The following DOCK10 variants were observed in gnomAD, a reference collection of about 807,000 sequenced individuals.
The protein encoded by DOCK10 is dedicator of cytokinesis protein 10.
DOCK10 carries 145 observed loss-of-function variants against 280.1 expected under a neutral mutation model. That is an observed-to-expected ratio of 0.52 (90% CI 0.45 to 0.59). The LOEUF (loss-of-function observed/expected upper bound fraction) is 0.59. Ranked by LOEUF, DOCK10 falls within the 20% of genes least tolerant of loss-of-function variation. The pLI is 0.00. For synonymous variants in DOCK10, 915 were observed against 942.2 expected (o/e 0.97, Z 0.53); for missense variants, 2,368 against 2,651.7 (o/e 0.89, Z 2.35).
At chr2:224,772,310 A>T (rs1690500580) in intron 53 of DOCK10, among the ~76,000 whole-genome samples, 1 of 152,152 alleles carries the variant, frequency 6.6e-6, no homozygotes, top group Non-Finnish European at 1.5e-5. Context: ...TTCCTTACAA[A>T]TACTTAGCAT....
chr2:224,888,428 G>GTATGTATA (rs1699445335), intron 4 of DOCK10, among the ~76,000 whole-genome samples: 1 of 151,852 alleles, frequency 6.6e-6, no homozygotes, highest in African/African-American at 2.4e-5. Flanking sequence ...ATATATGAGT[G>GTATGTATA]TATGTATATA....
intron 2 of DOCK10, among the ~76,000 whole-genome samples, chr2:224,924,143 C>T (rs377615053): frequency 2.4e-4 from 36 of 152,258 alleles, no homozygotes; most frequent in African/African-American, 8.2e-4. Flanking sequence ...CCTGTGATCA[C>T]GTGCACCACC....
chr2:225,021,233 A>C (rs141381784), intron 1 of DOCK10, among the ~76,000 whole-genome samples: 2 of 152,316 alleles, frequency 1.3e-5, no homozygotes, highest in East Asian at 1.9e-4. Context: ...CAAACAAAAA[A>C]CAAACAGAAC....
chr2:224,924,391 A>G (rs530409431), intron 2 of DOCK10, among the ~76,000 whole-genome samples: 1 of 152,024 alleles, frequency 6.6e-6, no homozygotes, highest in African/African-American at 2.4e-5. Flanking sequence ...GGCAACCACT[A>G]ATCTCCTTTC....
intron 27 of DOCK10, 27 bp from the exon 28 acceptor site, chr2:224,823,674 C>T (rs1447880649): frequency 1.3e-6 from 2 of 1,547,292 alleles, no homozygotes; most frequent in Non-Finnish European, 1.7e-6. Context: ...TTATATCTTT[C>T]TAATGTGGCA....
At position 224,888,651 on chromosome 2, in the gene DOCK10, ATATG is replaced by A. The variant is rs1426249368; in HGVS notation, c.417-2124_417-2121del. ...TATGTGTGTATATATTTATGTGAAT[ATATG>A]TGTGTGCATGTATATATGTGTGAAT... On this transcript the variant is annotated intron_variant, in intron 4 of 55. Transcript: ENST00000258390. Among the ~76,000 whole-genome samples the A allele has an allele frequency of 2.0e-5, 3 of 151,232 alleles. No individual in the cohort carries two copies. In the East Asian group the frequency reaches 5.8e-4, roughly 29 times the overall value.
At chr2:225,019,683 C>T (rs77123436) in intron 1 of DOCK10, among the ~76,000 whole-genome samples, 8,384 of 152,164 alleles carry the variant, frequency 0.055, 528 homozygotes, top group East Asian at 0.19. Context: ...GGGTTTATTC[C>T]GTCTTCACTG....
chr2:224,804,840 C>A lies in DOCK10; in HGVS notation c.4120G>T (p.Val1374Phe). Residue 1374 changes from valine (V) to phenylalanine (F), a missense_variant and splice_region_variant, in exon 38 of 56, where the codon GTT becomes TTT. Around this residue, in one of 2 missense-constraint regions of DOCK10, gnomAD observed 1,159 missense variants for 1,400.8 expected, o/e 0.83. Coordinates refer to ENST00000258390, the MANE Select transcript of DOCK10 (RefSeq NM_014689.3). Reference protein sequence around the residue: ...EVSDFFSILDVCLQNFRYLGK... With the variant: ...EVSDFFSILDFCLQNFRYLGK... ...AGGTATCTGAAATTTTGAAGACAAACGCTAGAAAGGAGAAAAAAACCACAT... is the reference window on the plus strand; with the variant it reads ...AGGTATCTGAAATTTTGAAGACAAAAGCTAGAAAGGAGAAAAAAACCACAT... 6.6e-7 allele frequency: 1 copy of A among 1,507,360 alleles called. No homozygotes were observed. Among genetic ancestry groups the A allele is most frequent in the Non-Finnish European group, 8.9e-7 (1 of 1,128,348 alleles). The allele number at this position is 1,507,360 out of a possible 1,614,324, so 93.4% of individuals were successfully genotyped here.
chr2:224,800,240 CGAT>C lies in DOCK10; in HGVS notation c.4414_4416del (p.Ile1472del), dbSNP rs1559435423. On this transcript the variant is annotated inframe_deletion, in exon 41 of 56. Transcript: ENST00000258390. ...TTGGCCTCAGTGTCTACATGATGCACGATGTCTATTTCATTGGAGTTGCCTATA... is the reference window on the plus strand; with the variant it reads ...TTGGCCTCAGTGTCTACATGATGCACGTCTATTTCATTGGAGTTGCCTATA... 6 of 1,610,186 alleles carry C rather than the reference CGAT, an allele frequency of 3.7e-6. No individual in the cohort carries two copies. The highest frequency in any genetic ancestry group is 5.1e-6 in the Non-Finnish European group (6 of 1,177,574).
rs1456415609 is a variant in DOCK10, at chr2:224,916,974, G to C, written c.244-190C>G. Among the ~76,000 whole-genome samples the C allele has an allele frequency of 3.3e-5, 5 of 152,066 alleles. No individual in the cohort carries two copies. The East Asian group carries it at 5.8e-4, about 18-fold the overall frequency. On this transcript the variant is annotated intron_variant, in intron 2 of 55. Coordinates refer to ENST00000258390, the MANE Select transcript of DOCK10 (RefSeq NM_014689.3). The stretch of plus-strand genomic sequence containing the variant: ...GATGTGGACATTTATTTGATTACCA[G>C]TACTAGTATTTTTACAACAGTTACT...
intron 1 of DOCK10, among the ~76,000 whole-genome samples, chr2:224,985,553 C>T (rs1482060083): frequency 6.7e-6 from 1 of 149,408 alleles, no homozygotes; most frequent in Admixed American, 6.7e-5. Flanking sequence ...ATGTTTTTAA[C>T]ATCTTATTGA....
At chr2:225,007,979 G>A (rs558523823) in intron 1 of DOCK10, among the ~76,000 whole-genome samples, 2 of 152,098 alleles carry the variant, frequency 1.3e-5, no homozygotes, top group South Asian at 4.1e-4. Flanking sequence ...TGGAGTGGGG[G>A]CAAATAAAAG....
intron 1 of DOCK10, among the ~76,000 whole-genome samples, chr2:224,942,120 A>C (rs542443479): frequency 4.6e-5 from 7 of 152,178 alleles, no homozygotes; most frequent in Non-Finnish European, 7.4e-5. Flanking sequence ...CTTCTGGTTT[A>C]ACTCTTCTCC....
At chr2:224,800,390 A>G in intron 40 of DOCK10, 127 bp from the exon 41 acceptor site, 1 of 552,560 alleles carries the variant, frequency 1.8e-6, no homozygotes, top group East Asian at 3.0e-5. Flanking sequence ...ATTAAATCAA[A>G]GTGTTTTTGT....
intron 4 of DOCK10, among the ~76,000 whole-genome samples, chr2:224,891,753 C>T (rs779397377): frequency 1.3e-5 from 2 of 152,196 alleles, no homozygotes; most frequent in African/African-American, 2.4e-5. Flanking sequence ...TTAATCTTCA[C>T]TTTTAAAAAT....
intron 1 of DOCK10, among the ~76,000 whole-genome samples, chr2:224,995,576 T>C (rs1193974253): frequency 1.3e-5 from 2 of 152,326 alleles, no homozygotes; most frequent in East Asian, 1.9e-4. Flanking sequence ...TTGCGTAGCA[T>C]AGGTGTCCAC....
chr2:224,815,977 G>A (rs971233225), intron 30 of DOCK10, among the ~76,000 whole-genome samples: 2 of 151,910 alleles, frequency 1.3e-5, no homozygotes, highest in African/African-American at 4.8e-5. Context: ...AGGTTGCAGC[G>A]AGCCAAGATC....
At chr2:224,921,112 A>AAAAAAAAATATAT in intron 2 of DOCK10, among the ~76,000 whole-genome samples, 9 of 54,400 alleles carry the variant, frequency 1.7e-4, no homozygotes, top group African/African-American at 1.3e-3. Context: ...AAAAAAAAAA[A>AAAAAAAAATATAT]ATATATATAT....
At chr2:224,858,663 G>GTATA (rs148133015) in intron 14 of DOCK10, among the ~76,000 whole-genome samples, 148 of 151,608 alleles carry the variant, frequency 9.8e-4, no homozygotes, top group African/African-American at 3.4e-3. Context: ...AAAAAAATGT[G>GTATA]TATATATATA....
Sources: allele counts gnomAD v4.1 joint callset (sites outside exome capture counted in the v4.1 genomes callset), GRCh38; gene constraint gnomAD v4.1.1; regional missense constraint gnomAD v4.1.1; transcripts MANE v1.5; gene names NCBI Gene and HGNC (gene_info 2026-07-23, HGNC 2026-07-21).